Variants in WWP1 observed in about 807,000 individuals in gnomAD.
The protein encoded by WWP1 is NEDD4-like E3 ubiquitin-protein ligase WWP1.
A neutral mutation model predicts 130.6 loss-of-function variants in WWP1; 49 were observed. The observed-to-expected ratio is 0.38, with a 90% CI of 0.30 to 0.48. The LOEUF (loss-of-function observed/expected upper bound fraction) is 0.48. Ranked by LOEUF, WWP1 falls within the 20% of genes least tolerant of loss-of-function variation. The pLI, the probability that WWP1 is intolerant of heterozygous loss-of-function variation, is 0.99. For synonymous variants in WWP1, 332 were observed against 367.8 expected (o/e 0.90, Z 1.11); for missense variants, 809 against 1,100.6 (o/e 0.74, Z 3.75).
intron 1 of WWP1, among the ~76,000 whole-genome samples, chr8:86,346,667 A>C (rs746396959): frequency 7.2e-5 from 11 of 152,212 alleles, no homozygotes; most frequent in Non-Finnish European, 1.6e-4. Flanking sequence ...ATGTTATTAC[A>C]TGTTAATAAA....
chr8:86,434,237 A>G (rs1810157197), intron 14 of WWP1, among the ~76,000 whole-genome samples: 3 of 152,318 alleles, frequency 2.0e-5, no homozygotes, highest in South Asian at 2.1e-4. Context: ...TTCCATCTCA[A>G]TAAGAGTAAA....
At chr8:86,431,524 A>G (rs990907551) in intron 13 of WWP1, 34 bp downstream of exon 13, 20 of 1,611,772 alleles carry the variant, frequency 1.2e-5, no homozygotes, top group Non-Finnish European at 1.6e-5. Flanking sequence ...GTCGTCTTGC[A>G]TATATCAGTA....
At position 86,438,689 on chromosome 8, in the gene WWP1, C is replaced by T. The variant is rs773308597; in HGVS notation, c.1838+16C>T. On this transcript the variant is annotated intron_variant, in intron 17 of 24. Transcript: ENST00000517970. ...GCCTAGCGAGGTAAAATAAAAAACA[C>T]ATATCTGCCTTGAAATAAGTATATC... 1 of 1,570,598 alleles carries T rather than the reference C, an allele frequency of 6.4e-7. No individual in the cohort carries two copies. Among genetic ancestry groups the T allele is most frequent in the Non-Finnish European group, 8.7e-7 (1 of 1,155,824 alleles).
chr8:86,455,208 A>G (rs1223424488), intron 21 of WWP1, among the ~76,000 whole-genome samples: 5 of 152,028 alleles, frequency 3.3e-5, no homozygotes, highest in Admixed American at 2.6e-4. Context: ...CATCAACAAC[A>G]AAAAACCTCA....
At chr8:86,373,140 AT>A (rs1436453245) in intron 2 of WWP1, among the ~76,000 whole-genome samples, 1 of 150,766 alleles carries the variant, frequency 6.6e-6, no homozygotes, top group African/African-American at 2.4e-5. Flanking sequence ...GTGTTTTTAA[AT>A]TCTATTTATA....
rs1351427287 is a variant in WWP1 at position 86,431,452 on chromosome 8, C to T, written c.1434C>T (p.Asn478=). Residue 478 remains asparagine (N), a synonymous_variant, in exon 13 of 25, where the codon AAC becomes AAT. Transcript: ENST00000517970. ...ACAGGGTTTACTTTGTGAATCATAA[C>T]ACAAAAACAACCCAGTGGGAAGATC... ...STDRVYFVNH[N]TKTTQWEDPR... 6.2e-7 allele frequency: 1 copy of T among 1,610,054 alleles called. No individual in the cohort carries two copies. The highest frequency in any genetic ancestry group is 1.1e-5 in the South Asian group (1 of 90,430).
rs557147103 is a variant in WWP1, at chr8:86,443,175, C to T, written c.1998+397C>T. Among the ~76,000 whole-genome samples the T allele has an allele frequency of 2.3e-4, 35 of 152,254 alleles. 1 individual carries two copies. In the South Asian group the frequency reaches 6.0e-3, roughly 26 times the overall value. ...GCAACCTCCACCTTGCAGACTCAAA[C>T]GATCCTCCCACCTCAGCCTCCCAAG... On this transcript the variant is annotated intron_variant, in intron 18 of 24. Transcript: ENST00000517970.
intron 18 of WWP1, among the ~76,000 whole-genome samples, chr8:86,445,700 T>G (rs12678720): frequency 0.27 from 41,005 of 152,024 alleles, 6,387 homozygotes; most frequent in East Asian, 0.54. Context: ...ATTCTCATGG[T>G]GGTTCAACTC....
chr8:86,400,279 C>G (rs1807898930), intron 7 of WWP1, among the ~76,000 whole-genome samples: 1 of 151,568 alleles, frequency 6.6e-6, no homozygotes, highest in Admixed American at 6.6e-5. Context: ...TTGCAGTGAG[C>G]TGAGATCGCG....
At chr8:86,365,295 CTGAAAGGAACTT>C in intron 1 of WWP1, among the ~76,000 whole-genome samples, 1 of 152,162 alleles carries the variant, frequency 6.6e-6, no homozygotes, top group African/African-American at 2.4e-5. Flanking sequence ...ATATTGTGCA[CTGAAAGGAACTT>C]TGAAATTGAC....
In WWP1 at chr8:86,398,418, T is replaced by C. The variant is rs759822447; in HGVS notation, c.411T>C (p.Val137=). The C allele has an allele frequency of 6.2e-7, 1 of 1,612,808 alleles. No homozygotes were observed. The highest frequency in any genetic ancestry group is 1.1e-5 in the South Asian group (1 of 90,910). The change falls in exon 6 of 25, where the codon GTT becomes GTC. Residue 137 remains valine, a synonymous_variant. Coordinates refer to ENST00000517970, the MANE Select transcript of WWP1 (RefSeq NM_007013.4). ...NGIAQTGELT[V]VLDGLVIEQE... ...TAGCACAAACTGGTGAATTGACAGT[T>C]GTGCTTGATGGATTGGTGATTGAGC...
chr8:86,436,203 T>G (rs1028742959), intron 16 of WWP1, among the ~76,000 whole-genome samples: 15 of 152,218 alleles, frequency 9.9e-5, no homozygotes, highest in African/African-American at 3.6e-4. Flanking sequence ...GTGTATTTAC[T>G]AAAATAAAGC....
At chr8:86,427,872 C>CTTTT in intron 11 of WWP1, 55 bp downstream of exon 11, 3 of 1,247,572 alleles carry the variant, frequency 2.4e-6, no homozygotes, top group Non-Finnish European at 2.2e-6. Context: ...GTGTTTCTTT[C>CTTTT]TTTTTTTTTT....
intron 3 of WWP1, among the ~76,000 whole-genome samples, chr8:86,374,500 C>T (rs956099235): frequency 7.9e-6 from 1 of 127,310 alleles, no homozygotes; most frequent in African/African-American, 2.6e-5. Context: ...ACTGTAATTC[C>T]CATGGTACTC....
intron 9 of WWP1, among the ~76,000 whole-genome samples, chr8:86,413,386 G>C (rs1030048879): frequency 6.6e-6 from 1 of 152,158 alleles, no homozygotes; most frequent in Admixed American, 6.5e-5. Flanking sequence ...TCGTCTAAGT[G>C]GTGGGGGAGG....
intron 1 of WWP1, among the ~76,000 whole-genome samples, chr8:86,358,045 C>T (rs1823358921): frequency 6.6e-6 from 1 of 152,186 alleles, no homozygotes; most frequent in Non-Finnish European, 1.5e-5. Flanking sequence ...TAGCATATGA[C>T]TTCTAAAGTG....
At chr8:86,373,940 T>G in intron 2 of WWP1, 90 bp from the exon 3 acceptor site, 1 of 935,110 alleles carries the variant, frequency 1.1e-6, no homozygotes, top group Non-Finnish European at 1.6e-6. Context: ...TTTTGAGAAC[T>G]TCTTAGTTGA....
intron 21 of WWP1, among the ~76,000 whole-genome samples, chr8:86,456,199 C>A (rs571053730): frequency 6.6e-6 from 1 of 151,966 alleles, no homozygotes; most frequent in African/African-American, 2.4e-5. Context: ...TAAGAGAAAT[C>A]TTGATGTAGG....
intron 18 of WWP1, among the ~76,000 whole-genome samples, chr8:86,443,326 G>A (rs1392062247): frequency 2.0e-5 from 3 of 151,974 alleles, no homozygotes; most frequent in Non-Finnish European, 4.4e-5. Flanking sequence ...CGCCTGTCTC[G>A]GCCTCCCAAA....
Sources: gnomAD v4.1 joint callset for allele counts (sites outside exome capture counted in the v4.1 genomes callset) on GRCh38, gnomAD v4.1.1 for gene constraint, MANE v1.5 for transcripts, NCBI Gene and HGNC (gene_info 2026-07-23, HGNC 2026-07-21) for gene names.